Variants in HRH1 observed in about 807,000 individuals in gnomAD.
The protein encoded by HRH1 is histamine H1 receptor.
HRH1 carries 6 observed loss-of-function variants against 10.3 expected under a neutral mutation model. The ratio of observed to expected loss-of-function variants is 0.58; its 90% CI spans 0.32 to 1.15. The LOEUF (loss-of-function observed/expected upper bound fraction) is 1.15, where lower values mean the gene tolerates loss of function less well. Ranked by LOEUF, HRH1 falls within the 50% of genes most tolerant of loss-of-function variation. The pLI is 0.05. For synonymous variants in HRH1, 242 were observed against 236.7 expected, an observed-to-expected ratio of 1.02 and a Z score of -0.21; for missense variants, 514 against 615.3, an observed-to-expected ratio of 0.84 and a Z score of 1.74.
At chr3:11,226,198 ACCCT>A (rs1938874807) in intron 1 of HRH1, 1 of 151,420 alleles carries the variant, frequency 6.6e-6, no homozygotes, top group South Asian at 2.1e-4. Context: ...ACTGCCCGGC[ACCCT>A]CCCTCCGTTT....
chr3:11,153,432 G>A (rs1037340384), upstream of HRH1, among the ~76,000 whole-genome samples: 4 of 152,090 alleles, frequency 2.6e-5, no homozygotes, highest in African/African-American at 7.2e-5. Flanking sequence ...GCTCTGTGTG[G>A]TCCACAACCA....
intron 1 of HRH1, among the ~76,000 whole-genome samples, chr3:11,166,241 C>T (rs1017959477): frequency 6.6e-6 from 1 of 152,140 alleles, no homozygotes; most frequent in Non-Finnish European, 1.5e-5. Context: ...TACATAACAA[C>T]ATGAGTGAGT....
At chr3:11,195,721 A>G (rs1937628726) in intron 1 of HRH1, among the ~76,000 whole-genome samples, 1 of 152,178 alleles carries the variant, frequency 6.6e-6, no homozygotes, top group Non-Finnish European at 1.5e-5. Flanking sequence ...CCTCATAGGG[A>G]TACAAAGCCG....
At chr3:11,138,359 A>T in intron 1 of HRH1, among the ~76,000 whole-genome samples, 1 of 152,088 alleles carries the variant, frequency 6.6e-6, no homozygotes, top group Non-Finnish European at 1.5e-5. Flanking sequence ...CACACACACA[A>T]AAAACAACCC....
At chr3:11,207,951 A>G (rs1938195597) in intron 1 of HRH1, among the ~76,000 whole-genome samples, 1 of 152,170 alleles carries the variant, frequency 6.6e-6, no homozygotes, top group Non-Finnish European at 1.5e-5. Flanking sequence ...AATAAAAGGA[A>G]GAGGTTTTCC....
chr3:11,167,306 C>G (rs2125011199), intron 1 of HRH1, among the ~76,000 whole-genome samples: 1 of 141,876 alleles, frequency 7.0e-6, no homozygotes, highest in African/African-American at 2.7e-5. Context: ...GTGACATCTG[C>G]TGTCCCCTGG....
Position 11,259,208 on chromosome 3 carries a change from G to C in HRH1, c.171G>C (p.Lys57Asn), listed in dbSNP as rs754067331. The C allele has an allele frequency of 6.2e-7, 1 of 1,613,762 alleles. No homozygotes were observed. The highest frequency in any genetic ancestry group is 8.5e-7 in the Non-Finnish European group (1 of 1,179,970). Residue 57 changes from lysine to asparagine, a missense_variant, in exon 2 of 2, where the codon AAG becomes AAC. Transcript: ENST00000431010. The surrounding 1 kb of genome is among the most constrained non-coding windows in gnomAD (Gnocchi z 4.6). ...TGTATGCCGTACGGAGTGAGCGGAA[G>C]CTCCACACTGTGGGGAACCTGTACA... is the stretch of plus-strand genomic sequence containing the variant. ...LVLYAVRSER[K>N]LHTVGNLYIV...
chr3:11,143,365 T>A (rs1440154921), intron 1 of HRH1, among the ~76,000 whole-genome samples: 1 of 152,192 alleles, frequency 6.6e-6, no homozygotes, highest in African/African-American at 2.4e-5. Context: ...AAGGCTTGTA[T>A]GACTTGGGGC....
At chr3:11,193,767 A>C (rs1418930683) in intron 1 of HRH1, among the ~76,000 whole-genome samples, 3 of 152,202 alleles carry the variant, frequency 2.0e-5, no homozygotes, top group African/African-American at 7.2e-5. Context: ...GTGTCTTCGC[A>C]TGGTGGGAAG....
At chr3:11,163,737 C>T (rs1936973173) in intron 1 of HRH1, among the ~76,000 whole-genome samples, 1 of 152,186 alleles carries the variant, frequency 6.6e-6, no homozygotes, top group South Asian at 2.1e-4. Context: ...TCATAGGTCA[C>T]ATCGATGCCT....
Position 11,220,898 on chromosome 3 carries a change from G to A in HRH1, c.-35-38105G>A, listed in dbSNP as rs146644109. On this transcript the variant is annotated intron_variant, in intron 1 of 1. Coordinates refer to ENST00000431010, the MANE Select transcript of HRH1 (RefSeq NM_001098212.2). ...AAAAAGAAAACCAATCACAGAGACA[G>A]TCAGTTTTATTCAGAATCCTGCTTC... is the stretch of plus-strand genomic sequence containing the variant. Among the ~76,000 whole-genome samples, 159 of 152,282 alleles carry A rather than the reference G, an allele frequency of 1.0e-3. 1 individual carries two copies. Among genetic ancestry groups the A allele is most frequent in the African/African-American group, 3.4e-3 (143 of 41,548 alleles).
intron 1 of HRH1, among the ~76,000 whole-genome samples, chr3:11,164,845 C>G (rs1936998633): frequency 6.6e-6 from 1 of 152,220 alleles, no homozygotes; most frequent in Non-Finnish European, 1.5e-5. Context: ...AGAAAAAGTT[C>G]TCGCTGAATT....
At chr3:11,158,835 A>C (rs1936870039) in intron 1 of HRH1, among the ~76,000 whole-genome samples, 1 of 152,234 alleles carries the variant, frequency 6.6e-6, no homozygotes, top group Non-Finnish European at 1.5e-5. Flanking sequence ...ATTCTTTTGA[A>C]AACACCATAT....
At chr3:11,184,741 C>T (rs917777513) in intron 1 of HRH1, among the ~76,000 whole-genome samples, 4 of 151,902 alleles carry the variant, frequency 2.6e-5, no homozygotes, top group Admixed American at 2.6e-4. Flanking sequence ...CTTGGTGAAA[C>T]CCCGTCTCTA....
intron 1 of HRH1, among the ~76,000 whole-genome samples, chr3:11,197,668 CA>C (rs1449408046): frequency 6.6e-6 from 1 of 152,144 alleles, no homozygotes; most frequent in Non-Finnish European, 1.5e-5. Context: ...CAATTGTAAT[CA>C]CTGGTCATCG....
At chr3:11,223,359 G>T (rs997812982) in intron 1 of HRH1, among the ~76,000 whole-genome samples, 1 of 151,692 alleles carries the variant, frequency 6.6e-6, no homozygotes, top group Non-Finnish European at 1.5e-5. Context: ...ATCAGCCGGG[G>T]GTGGTGGCGG....
In HRH1 at chr3:11,193,232, T is replaced by C. The variant is rs146112313; in HGVS notation, c.-36+38678T>C. ...CATATGCAGGCTGATGCCTGCTCTT[T>C]TTCTCCTCTCCTAAGTTAAAATAAT... On this transcript the variant is annotated intron_variant, in intron 1 of 1. Transcript: ENST00000431010. Among the ~76,000 whole-genome samples, 141 of 152,382 alleles carry C rather than the reference T, an allele frequency of 9.3e-4. 1 individual carries two copies. Among genetic ancestry groups the C allele is most frequent in the African/African-American group, 2.8e-3 (117 of 41,590 alleles).
intron 1 of HRH1, among the ~76,000 whole-genome samples, chr3:11,233,392 G>A (rs1939092973): frequency 6.6e-6 from 1 of 152,032 alleles, no homozygotes; most frequent in Admixed American, 6.6e-5. Flanking sequence ...TCTTGCTTTT[G>A]AGTCCATCAA....
chr3:11,220,345 C>G (rs1339930434), intron 1 of HRH1, among the ~76,000 whole-genome samples: 1 of 152,116 alleles, frequency 6.6e-6, no homozygotes, highest in Non-Finnish European at 1.5e-5. Flanking sequence ...TCTCTGAGGC[C>G]GGTTACCTCA....
Sources: gnomAD v4.1 joint callset for allele counts (sites outside exome capture counted in the v4.1 genomes callset) on GRCh38, gnomAD v4.1.1 for gene constraint, Gnocchi (gnomAD v3.1) non-coding constraint, MANE v1.5 for transcripts, NCBI Gene and HGNC (gene_info 2026-07-23, HGNC 2026-07-21) for gene names.